Variants in NFE2L1 observed in about 807,000 individuals in gnomAD.
NFE2L1 encodes endoplasmic reticulum membrane sensor NFE2L1.
NFE2L1 carries 18 observed loss-of-function variants against 61.6 expected under a neutral mutation model. The ratio of observed to expected loss-of-function variants is 0.29; its 90% CI spans 0.20 to 0.43. The LOEUF is 0.43. Ranked by LOEUF, NFE2L1 falls within the 20% of genes least tolerant of loss-of-function variation. The pLI is 1.00. For synonymous variants in NFE2L1, 419 were observed against 402.7 expected (o/e 1.04, Z -0.48); for missense variants, 827 against 973.5 (o/e 0.85, Z 2.00).
At position 48,050,963 on chromosome 17, in the gene NFE2L1, G is replaced by A. The variant is rs551424686; in HGVS notation, c.-156G>A. On this transcript the variant is annotated 5_prime_UTR_variant, in exon 2 of 6. Coordinates refer to ENST00000362042, the MANE Select transcript of NFE2L1 (RefSeq NM_003204.3). Reference sequence around the variant, plus strand: ...ACAGGGTGTGCTTTCCTCTGGGGCCGTCAGGGAGCTCATCCCTTGTGTTCT... The same window carrying A: ...ACAGGGTGTGCTTTCCTCTGGGGCCATCAGGGAGCTCATCCCTTGTGTTCT... The A allele has an allele frequency of 1.6e-4, 134 of 846,316 alleles. No individual in the cohort carries two copies. Among genetic ancestry groups the A allele is most frequent in the East Asian group, 2.6e-4 (10 of 37,910 alleles). The allele number at this position is 846,316 out of a possible 1,614,324, so 52.4% of individuals were successfully genotyped here.
rs1224508137 is a variant in NFE2L1 at position 48,061,220 on chromosome 17, C to A, written c.*1579C>A. 1 of 152,158 alleles carries A rather than the reference C, an allele frequency of 6.6e-6. No individual in the cohort carries two copies. Among genetic ancestry groups the A allele is most frequent in the Non-Finnish European group, 1.5e-5 (1 of 68,044 alleles). 9.4% of individuals were successfully genotyped at this position (152,158 alleles called of 1,614,324 possible). ...TATTTTTAACTGTTTGCCACTGCTG[C>A]CCTCACCCCTGCCCGGCTCTGGAGT... On this transcript the variant is annotated 3_prime_UTR_variant, in exon 6 of 6. Coordinates refer to ENST00000362042, the MANE Select transcript of NFE2L1 (RefSeq NM_003204.3).
At chr17:48,056,996 C>G in intron 3 of NFE2L1, 36 bp from the exon 4 acceptor site, 1 of 1,608,846 alleles carries the variant, frequency 6.2e-7, no homozygotes, top group Non-Finnish European at 8.5e-7. Flanking sequence ...CAGCCAAGGC[C>G]CAGGTCAATC....
intron 2 of NFE2L1, chr17:48,054,456 TCTC>T (rs1489117280): frequency 2.2e-5 from 10 of 450,822 alleles, no homozygotes; most frequent in African/African-American, 2.0e-5. Flanking sequence ...TCCTTCCGCA[TCTC>T]CAGCGGAGAC....
Position 48,058,399 on chromosome 17 carries a change from G to C in NFE2L1, c.1077G>C (p.Gln359His), listed in dbSNP as rs1429940294. 1 of 1,614,056 alleles carries C rather than the reference G, an allele frequency of 6.2e-7. No homozygotes were observed. The highest frequency in any genetic ancestry group is 1.3e-5 in the African/African-American group (1 of 74,920). The change falls in exon 6 of 6, where the codon CAG (glutamine) becomes CAC (histidine). Residue 359 changes from glutamine to histidine, a missense_variant. Gln to His is a conservative substitution (Grantham distance 24). Coordinates refer to ENST00000362042, the MANE Select transcript of NFE2L1 (RefSeq NM_003204.3). ...YSLAPNTPINQNVSLHQASLG... is the reference protein window; with the variant it reads ...YSLAPNTPINHNVSLHQASLG... ...TTGCCCCCAACACTCCCATCAATCA[G>C]AATGTCAGCCTGCATCAGGCGTCCC...
chr17:48,059,816 G>C lies in NFE2L1; in HGVS notation c.*175G>C, dbSNP rs1311545412. ...GAAGAGGCAGGCACTGGCTGGCTCA[G>C]CTCCACTCGGGTGGAGTGGAAGTGG... On this transcript the variant is annotated 3_prime_UTR_variant, in exon 6 of 6. Transcript: ENST00000362042. This position sits in a 1 kb window ranked among gnomAD's most constrained non-coding sequence, Gnocchi z 6.1. The C allele has an allele frequency of 5.2e-6, 5 of 959,380 alleles. No individual in the cohort carries two copies. Among genetic ancestry groups the C allele is most frequent in the Non-Finnish European group, 5.9e-6 (4 of 675,002 alleles). The allele number at this position is 959,380 out of a possible 1,614,324, so 59.4% of individuals were successfully genotyped here.
At chr17:48,052,767 A>C (rs967306770) in intron 2 of NFE2L1, among the ~76,000 whole-genome samples, 1 of 152,122 alleles carries the variant, frequency 6.6e-6, no homozygotes, top group African/African-American at 2.4e-5. Flanking sequence ...CGGGGTTGCT[A>C]CTGGCACCTA....
Position 48,051,283 on chromosome 17 carries a change from C to G in NFE2L1, c.165C>G (p.Phe55Leu). 6.2e-7 allele frequency: 1 copy of G among 1,614,118 alleles called. No individual in the cohort carries two copies. The highest frequency in any genetic ancestry group is 8.5e-7 in the Non-Finnish European group (1 of 1,180,034). The change falls in exon 2 of 6, where the codon TTC becomes TTG. Residue 55 changes from phenylalanine (F) to leucine (L), a missense_variant. By Grantham distance (22) the Phe-to-Leu change is conservative. This residue lies in a region of NFE2L1 where 667 missense variants were observed against 748.4 expected (regional missense o/e 0.89). Coordinates refer to ENST00000362042, the MANE Select transcript of NFE2L1 (RefSeq NM_003204.3). Reference protein sequence around the residue: ...GPSSAYTQTQFHNLRNTLDGY... With the variant: ...GPSSAYTQTQLHNLRNTLDGY... ...GTTCTGCCTATACTCAGACCCAGTTCCACAACCTGAGGAATACCTTGGATG... is the reference window on the plus strand; with the variant it reads ...GTTCTGCCTATACTCAGACCCAGTTGCACAACCTGAGGAATACCTTGGATG...
rs117076490 is a variant in NFE2L1, at chr17:48,050,882, A to T, written c.-237A>T. The T allele has an allele frequency of 8.0e-3, 4,853 of 605,904 alleles. 38 individuals are homozygous for T. Among genetic ancestry groups the T allele is most frequent in the Non-Finnish European group, 0.011 (3,645 of 342,086 alleles). The allele number at this position is 605,904 out of a possible 1,614,324, so 37.5% of individuals were successfully genotyped here. ...AGGAACAGTTGTACTTTCAGAGGTGAGGTGTCGAGAAGGGAAAGTGAATGT... is the reference window on the plus strand; with the variant it reads ...AGGAACAGTTGTACTTTCAGAGGTGTGGTGTCGAGAAGGGAAAGTGAATGT... On this transcript the variant is annotated 5_prime_UTR_variant, in exon 2 of 6. Coordinates refer to ENST00000362042, the MANE Select transcript of NFE2L1 (RefSeq NM_003204.3).
intron 2 of NFE2L1, among the ~76,000 whole-genome samples, chr17:48,052,321 C>T (rs1486675007): frequency 2.0e-5 from 3 of 152,324 alleles, no homozygotes; most frequent in South Asian, 2.1e-4. Flanking sequence ...GGGCAGAAAG[C>T]GATGCAGTTC....
chr17:48,053,913 G>A (rs1313767017), intron 2 of NFE2L1, among the ~76,000 whole-genome samples: 1 of 152,180 alleles, frequency 6.6e-6, no homozygotes, highest in Non-Finnish European at 1.5e-5. Flanking sequence ...CTTCAGGGTT[G>A]TGTCTCCCCT....
chr17:48,054,278 G>A (rs899641746), intron 2 of NFE2L1: 6 of 155,478 alleles, frequency 3.9e-5, no homozygotes, highest in African/African-American at 1.4e-4. Flanking sequence ...CGCCACCCCA[G>A]CTGACTGACT....
At chr17:48,055,617 G>A (rs550868620) in intron 2 of NFE2L1, among the ~76,000 whole-genome samples, 1 of 152,162 alleles carries the variant, frequency 6.6e-6, no homozygotes, top group African/African-American at 2.4e-5. Flanking sequence ...GACACAGTGA[G>A]GCTGGCCCGA....
intron 2 of NFE2L1, 73 bp from the exon 3 acceptor site, chr17:48,056,313 G>A (rs2037399790): frequency 1.3e-6 from 2 of 1,574,248 alleles, no homozygotes; most frequent in South Asian, 2.3e-5. Flanking sequence ...GACACTAGGA[G>A]GGAACTCTGA....
In NFE2L1 at chr17:48,056,612, T is replaced by C. The variant is rs1169981941; in HGVS notation, c.723+14T>C. On this transcript the variant is annotated intron_variant, in intron 3 of 5. Coordinates refer to ENST00000362042, the MANE Select transcript of NFE2L1 (RefSeq NM_003204.3). Reference sequence around the variant, plus strand: ...TTCCCTGCACAGGTACCATCGCCCCTGCTCACTGGGCTCTCTTCTTGTCCC... The same window carrying C: ...TTCCCTGCACAGGTACCATCGCCCCCGCTCACTGGGCTCTCTTCTTGTCCC... 6.2e-7 allele frequency: 1 copy of C among 1,611,286 alleles called. No homozygotes were observed. Among genetic ancestry groups the C allele is most frequent in the Non-Finnish European group, 8.5e-7 (1 of 1,179,112 alleles).
At chr17:48,056,692 G>T in intron 3 of NFE2L1, 94 bp downstream of exon 3, 2 of 1,453,628 alleles carry the variant, frequency 1.4e-6, no homozygotes, top group Non-Finnish European at 9.3e-7. Flanking sequence ...CTTTAGAGAA[G>T]ACAGGTGGTG....
rs372482489 is a variant in NFE2L1 at position 48,058,798 on chromosome 17, C to T, written c.1476C>T (p.Ser492=). Residue 492 remains serine, a synonymous_variant, in exon 6 of 6, where the codon AGC becomes AGT. Coordinates refer to ENST00000362042, the MANE Select transcript of NFE2L1 (RefSeq NM_003204.3). ...DSSHSPSSLS[S]SEGSSSSSSS... ...GCCATAGCCCTTCTTCCCTAAGCAG[C>T]TCTGAAGGCAGTTCTTCCTCTTCTT... 5 of 1,614,052 alleles carry T rather than the reference C, an allele frequency of 3.1e-6. No homozygotes were observed. In the African/African-American group the frequency reaches 6.7e-5, roughly 22 times the overall value.
In NFE2L1 at chr17:48,058,599, C is replaced by A; in HGVS notation, c.1277C>A (p.Ala426Asp). 1 of 1,613,836 alleles carries A rather than the reference C, an allele frequency of 6.2e-7. No individual in the cohort carries two copies. Among genetic ancestry groups the A allele is most frequent in the Non-Finnish European group, 8.5e-7 (1 of 1,179,786 alleles). Residue 426 changes from alanine to aspartate, a missense_variant, in exon 6 of 6, where the codon GCC becomes GAC. Ala to Asp is a moderately radical substitution (Grantham distance 126, BLOSUM62 -2). Transcript: ENST00000362042. The part of the protein sequence containing the change: ...LFFPPQLNGT[A>D]NDTAGPELPD... ...TTTCCACCCCAGCTCAATGGCACAG[C>A]CAATGACACAGCAGGCCCAGAGCTG...
Position 48,058,320 on chromosome 17 carries a change from G to C in NFE2L1, c.998G>C (p.Ser333Thr). 6.2e-7 allele frequency: 1 copy of C among 1,601,722 alleles called. No homozygotes were observed. The highest frequency in any genetic ancestry group is 8.5e-7 in the Non-Finnish European group (1 of 1,172,206). The part of the protein sequence containing the change: ...MQAMEVNTSA[S>T]EILYSAPPGD... ...GCCATGGAAGTGAACACATCAGCAAGTGAAATCCTGTACAGTGCCCCTCCT... is the reference window on the plus strand; with the variant it reads ...GCCATGGAAGTGAACACATCAGCAACTGAAATCCTGTACAGTGCCCCTCCT... Residue 333 changes from serine to threonine, a missense_variant, in exon 6 of 6, where the codon AGT becomes ACT. By Grantham distance (58) the Ser-to-Thr change is moderately conservative (BLOSUM62 1). Transcript: ENST00000362042.
chr17:48,050,917 T>C lies in NFE2L1; in HGVS notation c.-202T>C. 1.6e-6 allele frequency: 1 copy of C among 627,708 alleles called. No individual in the cohort carries two copies. Among genetic ancestry groups the C allele is most frequent in the African/African-American group, 1.8e-5 (1 of 54,520 alleles). 38.9% of individuals were successfully genotyped at this position (627,708 alleles called of 1,614,324 possible). ...AAGGGAAAGTGAATGTGGTCTGGAG[T>C]GTGTCCTTGGCCTTGGCTCCACAGG... On this transcript the variant is annotated 5_prime_UTR_variant, in exon 2 of 6. Transcript: ENST00000362042.
Sources: gnomAD v4.1 joint callset for allele counts (sites outside exome capture counted in the v4.1 genomes callset) on GRCh38, gnomAD v4.1.1 for gene constraint, gnomAD v4.1.1 regional missense constraint, Gnocchi (gnomAD v3.1) non-coding constraint, MANE v1.5 for transcripts, NCBI Gene and HGNC (gene_info 2026-07-23, HGNC 2026-07-21) for gene names.